The following ISX variants were observed in gnomAD, a reference collection of about 807,000 sequenced individuals.
ISX encodes intestine specific homeobox, also known as intestine-specific homeobox.
ISX carries 15 observed loss-of-function variants against 16.9 expected under a neutral mutation model. The observed-to-expected ratio is 0.89, with a 90% CI of 0.59 to 1.36. The LOEUF is 1.36. Among genes scored for constraint, ISX ranks in the 40% most tolerant of loss-of-function variants. ISX has a pLI of 0.00. For missense variants in ISX, 316 were observed against 306.1 expected, an observed-to-expected ratio of 1.03 and a Z score of -0.24; for synonymous variants, 125 against 119.7, an observed-to-expected ratio of 1.04 and a Z score of -0.29.
chr22:35,078,830 G>A (rs1367759685), intron 2 of ISX, among the ~76,000 whole-genome samples: 1 of 152,226 alleles, frequency 6.6e-6, no homozygotes, highest in Non-Finnish European at 1.5e-5. Flanking sequence ...AACGCGTTCT[G>A]CAGGCAAGCC....
chr22:35,067,499 G>C (rs149424997), intron 2 of ISX, among the ~76,000 whole-genome samples, 183 bp downstream of exon 2: 5 of 152,198 alleles, frequency 3.3e-5, no homozygotes, highest in Admixed American at 2.0e-4. Flanking sequence ...GTGCTTTTCA[G>C]CTTCAGACAC....
intron 2 of ISX, among the ~76,000 whole-genome samples, chr22:35,070,469 G>T (rs960825000): frequency 2.0e-5 from 3 of 152,224 alleles, no homozygotes; most frequent in African/African-American, 4.8e-5. Flanking sequence ...ATAATCCTTT[G>T]TGGGGAAATC....
intron 2 of ISX, among the ~76,000 whole-genome samples, chr22:35,068,043 G>A (rs1928751760): frequency 1.3e-5 from 2 of 152,234 alleles, no homozygotes; most frequent in African/African-American, 4.8e-5. Flanking sequence ...CCCAGGATGT[G>A]AGTCTTAGCT....
Position 35,087,073 on chromosome 22 carries a change from A to T in ISX, c.*1380A>T, listed in dbSNP as rs573130731. The T allele has an allele frequency of 7.9e-5, 12 of 152,350 alleles. No individual in the cohort carries two copies. Among genetic ancestry groups the T allele is most frequent in the Admixed American group, 7.8e-4 (12 of 15,304 alleles). The allele number at this position is 152,350 out of a possible 1,614,324, so 9.4% of individuals were successfully genotyped here. A position where few individuals can be genotyped will look rare whatever the true frequency, so the allele number is the denominator to read the frequency against. On this transcript the variant is annotated 3_prime_UTR_variant, in exon 5 of 5. Transcript: ENST00000404699. ...CTTACCATTAATCTCTCTGGGTCTCAGTTTTCTCATCTGTATTGGAGGTAG... is the reference window on the plus strand; with the variant it reads ...CTTACCATTAATCTCTCTGGGTCTCTGTTTTCTCATCTGTATTGGAGGTAG...
chr22:35,066,256 T>C lies in ISX; in HGVS notation c.-543T>C, dbSNP rs362150. 0.51 allele frequency: 77,739 copies of C among 152,128 alleles called. 20,158 individuals carry two copies. The highest frequency in any genetic ancestry group is 0.79 in the East Asian group (4,074 of 5,174). The allele number at this position is 152,128 out of a possible 1,614,324, so 9.4% of individuals were successfully genotyped here. On this transcript the variant is annotated 5_prime_UTR_variant, in exon 1 of 5. Transcript: ENST00000404699. ...GGGAGAGGTACCCTGGGTCAGGCGC[T>C]TGTGGAGAGAGGGCTTCGCATGTAA... is the stretch of plus-strand genomic sequence containing the variant.
At chr22:35,079,123 T>C (rs185584018) in intron 2 of ISX, among the ~76,000 whole-genome samples, 18 of 152,378 alleles carry the variant, frequency 1.2e-4, no homozygotes, top group Non-Finnish European at 1.6e-4. Context: ...AACAAGTTAG[T>C]TGATTTCTTC....
intron 2 of ISX, among the ~76,000 whole-genome samples, chr22:35,070,766 G>A (rs1312470127): frequency 1.3e-5 from 2 of 152,230 alleles, no homozygotes; most frequent in Admixed American, 1.3e-4. Context: ...TGCCCATCTT[G>A]TCTGATGGAG....
rs1402625791 is a variant in ISX, at chr22:35,086,479, T to C, written c.*786T>C. 2.0e-5 allele frequency: 3 copies of C among 152,326 alleles called. No homozygotes were observed. Among genetic ancestry groups the C allele is most frequent in the African/African-American group, 4.8e-5 (2 of 41,446 alleles). The allele number at this position is 152,326 out of a possible 1,614,324, so 9.4% of individuals were successfully genotyped here. On this transcript the variant is annotated 3_prime_UTR_variant, in exon 5 of 5. Transcript: ENST00000404699. ...AAGCTCCTTTCATTCAGTTTATCTT[T>C]CCAGGATATATGAAAAGGGACCAGC...
At chr22:35,082,239 C>A (rs573952718) in intron 2 of ISX, among the ~76,000 whole-genome samples, 16 of 152,226 alleles carry the variant, frequency 1.1e-4, no homozygotes, top group Non-Finnish European at 2.2e-4. Flanking sequence ...CTGCTGTAGA[C>A]AAAAGGAAGT....
intron 1 of ISX, 89 bp from the exon 2 acceptor site, chr22:35,066,663 C>G (rs1928706950): frequency 5.9e-6 from 1 of 169,794 alleles, no homozygotes; most frequent in Admixed American, 5.5e-5. Context: ...ACCCCTGCCT[C>G]CAAACCTCCT....
In ISX at chr22:35,066,881, C is replaced by T; in HGVS notation, c.-207C>T. The T allele has an allele frequency of 1.8e-6, 1 of 564,476 alleles. No homozygotes were observed. Among genetic ancestry groups the T allele is most frequent in the Non-Finnish European group, 3.2e-6 (1 of 317,018 alleles). 35.0% of individuals were successfully genotyped at this position (564,476 alleles called of 1,614,324 possible). On this transcript the variant is annotated 5_prime_UTR_variant, in exon 2 of 5. Transcript: ENST00000404699. ...ACTGGTAAGGGCTGAGCCGTGGGCA[C>T]AGGATACCACTCCTTCCAGCTCTTC...
chr22:35,077,281 A>G (rs1189138715), intron 2 of ISX, among the ~76,000 whole-genome samples: 1 of 151,928 alleles, frequency 6.6e-6, no homozygotes, highest in Non-Finnish European at 1.5e-5. Context: ...GTTCCATATT[A>G]TGCTTTTCTG....
At chr22:35,072,082 A>G (rs958284674) in intron 2 of ISX, among the ~76,000 whole-genome samples, 2 of 152,194 alleles carry the variant, frequency 1.3e-5, no homozygotes. Context: ...TGGAGTTAAA[A>G]ACAGGCACTT....
intron 2 of ISX, among the ~76,000 whole-genome samples, chr22:35,079,899 T>C (rs181360822): frequency 6.6e-6 from 1 of 152,320 alleles, no homozygotes. Context: ...CCACCGGGTT[T>C]GGTCCTTCCT....
At chr22:35,079,180 ACT>A in intron 2 of ISX, among the ~76,000 whole-genome samples, 1 of 152,158 alleles carries the variant, frequency 6.6e-6, no homozygotes, top group South Asian at 2.1e-4. Context: ...CTGAGTGTCT[ACT>A]CCAATTCTTA....
chr22:35,086,945 G>T lies in ISX; in HGVS notation c.*1252G>T, dbSNP rs1162498746. 6.6e-6 allele frequency: 1 copy of T among 152,226 alleles called. No individual in the cohort carries two copies. The highest frequency in any genetic ancestry group is 1.5e-5 in the Non-Finnish European group (1 of 68,074). 9.4% of individuals were successfully genotyped at this position (152,226 alleles called of 1,614,324 possible). On this transcript the variant is annotated 3_prime_UTR_variant, in exon 5 of 5. Coordinates refer to ENST00000404699, the MANE Select transcript of ISX (RefSeq NM_001303508.2). ...TTCCAGGAATCTTCCCCAAATCCCA[G>T]ATCCTCTGCAATCTACCTGCACCCC...
At chr22:35,078,350 A>G (rs1032494069) in intron 2 of ISX, among the ~76,000 whole-genome samples, 4 of 152,062 alleles carry the variant, frequency 2.6e-5, no homozygotes, top group African/African-American at 9.7e-5. Flanking sequence ...GATGACATTC[A>G]CTGAGCTCTT....
chr22:35,071,321 GC>G (rs1427170571), intron 2 of ISX, among the ~76,000 whole-genome samples: 1 of 152,158 alleles, frequency 6.6e-6, no homozygotes, highest in African/African-American at 2.4e-5. Flanking sequence ...AACCTGAGTG[GC>G]TTAAAACACA....
Position 35,086,304 on chromosome 22 carries a change from T to G in ISX, c.*611T>G, listed in dbSNP as rs137886754. The G allele has an allele frequency of 1.3e-5, 2 of 157,096 alleles. No individual in the cohort carries two copies. Among genetic ancestry groups the G allele is most frequent in the African/African-American group, 4.8e-5 (2 of 41,612 alleles). The allele number at this position is 157,096 out of a possible 1,614,324, so 9.7% of individuals were successfully genotyped here. On this transcript the variant is annotated 3_prime_UTR_variant, in exon 5 of 5. Coordinates refer to ENST00000404699, the MANE Select transcript of ISX (RefSeq NM_001303508.2). The stretch of plus-strand genomic sequence containing the variant: ...AACAACCTTGCTGTTGGCCCAAGTC[T>G]AACACATTCTTTATGACTGTGAGCA...
Sources: allele counts gnomAD v4.1 joint callset (sites outside exome capture counted in the v4.1 genomes callset), GRCh38; gene constraint gnomAD v4.1.1; transcripts MANE v1.5; gene names NCBI Gene and HGNC (gene_info 2026-07-23, HGNC 2026-07-21).